ERG: variants seen among roughly 807,000 people sequenced by gnomAD.
ERG encodes the protein transcriptional regulator ERG.
A neutral mutation model predicts 55.3 loss-of-function variants in ERG; 9 were observed. The ratio of observed to expected loss-of-function variants is 0.16; its 90% CI spans 0.10 to 0.28. ERG has a LOEUF of 0.28. Ranked by LOEUF, ERG falls within the 10% of genes least tolerant of loss-of-function variation. The pLI is 1.00. For missense variants in ERG, 434 were observed against 631.6 expected, an observed-to-expected ratio of 0.69 and a Z score of 3.35; for synonymous variants, 223 against 237.3, an observed-to-expected ratio of 0.94 and a Z score of 0.55.
intron 1 of ERG, among the ~76,000 whole-genome samples, chr21:38,457,877 G>C (rs1016908477): frequency 6.6e-6 from 1 of 152,192 alleles, no homozygotes; most frequent in African/African-American, 2.4e-5. Context: ...ATGGGGCTAC[G>C]CCTACTTCAA....
intron 1 of ERG, among the ~76,000 whole-genome samples, chr21:38,488,335 G>A (rs183195892): frequency 6.6e-6 from 1 of 152,322 alleles, no homozygotes; most frequent in East Asian, 1.9e-4. Context: ...TGTACAGTGT[G>A]TAAACATCAC....
At chr21:38,633,204 T>C (rs1309481591) in intron 1 of ERG, among the ~76,000 whole-genome samples, 3 of 152,170 alleles carry the variant, frequency 2.0e-5, no homozygotes, top group African/African-American at 7.2e-5. Flanking sequence ...GAAAATAGAA[T>C]GGGTTACCAC....
Position 38,382,940 on chromosome 21 carries a change from T to C in ERG, c.*463A>G. 1 of 1,066,398 alleles carries C rather than the reference T, an allele frequency of 9.4e-7. No individual in the cohort carries two copies. The highest frequency in any genetic ancestry group is 1.1e-6 in the Non-Finnish European group (1 of 879,760). The allele number at this position is 1,066,398 out of a possible 1,614,324, so 66.1% of individuals were successfully genotyped here. ...AGTCTCTCTCGTGTCTTTTCTCTTG[T>C]TTTTGATATGTTTCTATTTTTAAAT... On this transcript the variant is annotated 3_prime_UTR_variant, in exon 10 of 10. Transcript: ENST00000288319.
intron 2 of ERG, among the ~76,000 whole-genome samples, chr21:38,551,500 C>T (rs959304813): frequency 1.3e-5 from 2 of 152,096 alleles, no homozygotes; most frequent in African/African-American, 4.8e-5. Flanking sequence ...TATAAACTTT[C>T]CTGTTAACAT....
intron 1 of ERG, among the ~76,000 whole-genome samples, chr21:38,598,641 G>A (rs2060145724): frequency 6.6e-6 from 1 of 152,134 alleles, no homozygotes; most frequent in African/African-American, 2.4e-5. Context: ...ACTCTCTAAG[G>A]AGTGACCTAA....
chr21:38,535,452 T>TA (rs1417426614), intron 2 of ERG, among the ~76,000 whole-genome samples: 1 of 152,190 alleles, frequency 6.6e-6, no homozygotes, highest in Non-Finnish European at 1.5e-5. Context: ...AAGATTAAAT[T>TA]AAAAAATAAA....
At chr21:38,368,257 GC>G in the ERG span, among the ~76,000 whole-genome samples, 1 of 151,658 alleles carries the variant, frequency 6.6e-6, no homozygotes, top group Non-Finnish European at 1.5e-5. Flanking sequence ...TGTTTGTTTT[GC>G]TTTTTTCACT....
intron 2 of ERG, among the ~76,000 whole-genome samples, chr21:38,430,688 C>A (rs1209462290): frequency 2.0e-5 from 3 of 152,188 alleles, no homozygotes; most frequent in Admixed American, 2.0e-4. Context: ...AAGAACTGAA[C>A]AATAGCCCAA....
At chr21:38,474,666 G>C (rs935320157) in intron 1 of ERG, among the ~76,000 whole-genome samples, 3 of 152,080 alleles carry the variant, frequency 2.0e-5, no homozygotes, top group African/African-American at 7.2e-5. Context: ...ACTCCTACCT[G>C]TATGGAAGGT....
chr21:38,371,381 C>CT, the ERG span, among the ~76,000 whole-genome samples: 2 of 151,794 alleles, frequency 1.3e-5, no homozygotes, highest in Non-Finnish European at 2.9e-5. Context: ...ATTTTTATTT[C>CT]TTTTTTCCTT....
At chr21:38,591,986 A>G (rs1410455613) in intron 1 of ERG, among the ~76,000 whole-genome samples, 1 of 152,234 alleles carries the variant, frequency 6.6e-6, no homozygotes, top group Non-Finnish European at 1.5e-5. Context: ...TTCTAGAGCC[A>G]GGGCACTTAA....
chr21:38,456,991 T>G (rs1299698155), intron 1 of ERG, among the ~76,000 whole-genome samples: 1 of 152,218 alleles, frequency 6.6e-6, no homozygotes, highest in African/African-American at 2.4e-5. Flanking sequence ...GAGACTTGAT[T>G]TTTATGACTC....
chr21:38,443,639 A>G (rs1449021599), intron 2 of ERG, among the ~76,000 whole-genome samples: 1 of 152,232 alleles, frequency 6.6e-6, no homozygotes, highest in Non-Finnish European at 1.5e-5. Flanking sequence ...ATTGTATCAA[A>G]TGCATAGGAT....
rs138446185 is a variant in ERG at position 38,538,698 on chromosome 21, C to A, written c.-41+36964G>T. ...ATACCCTTTGCTTTCAACTATATGG[C>A]CAAACATGACTGGCCAGCAGGCTGG... On this transcript the variant is annotated intron_variant, in intron 2 of 8. Coordinates refer to the ERG transcript ENST00000398897. Among the ~76,000 whole-genome samples, 71 of 152,122 alleles carry A rather than the reference C, an allele frequency of 4.7e-4. 1 individual carries two copies. Among genetic ancestry groups the A allele is most frequent in the Middle Eastern group, 3.4e-3 (1 of 294 alleles).
intron 2 of ERG, among the ~76,000 whole-genome samples, chr21:38,424,112 T>C (rs1421043534): frequency 6.6e-6 from 1 of 151,674 alleles, no homozygotes; most frequent in South Asian, 2.1e-4. Flanking sequence ...TAATTTCAGT[T>C]TGATGAGGTC....
intron 1 of ERG, among the ~76,000 whole-genome samples, chr21:38,653,170 G>A (rs777498919): frequency 5.9e-5 from 9 of 152,098 alleles, no homozygotes; most frequent in Non-Finnish European, 1.2e-4. Context: ...CATAGCATGC[G>A]GATTCATCCT....
intron 2 of ERG, among the ~76,000 whole-genome samples, chr21:38,560,149 T>C (rs190154931): frequency 1.2e-4 from 18 of 152,276 alleles, no homozygotes; most frequent in African/African-American, 4.1e-4. Flanking sequence ...GAGCAGAAAG[T>C]AGTCTTGCAA....
At chr21:38,639,157 G>A (rs2060408232) in intron 1 of ERG, among the ~76,000 whole-genome samples, 1 of 152,116 alleles carries the variant, frequency 6.6e-6, no homozygotes, top group Admixed American at 6.5e-5. Flanking sequence ...GACATAGTCA[G>A]GTGCTGATAC....
chr21:38,383,370 TGCAC>T lies in ERG; in HGVS notation c.*29_*32del. ...GAGTTTGTGGCGATGGGCTGGTGAA[TGCAC>T]GCTGATGGGAAAAGCCTCCGCCAGG... is the stretch of plus-strand genomic sequence containing the variant. On this transcript the variant is annotated 3_prime_UTR_variant, in exon 10 of 10. Transcript: ENST00000288319. This position sits in a 1 kb window ranked among gnomAD's most constrained non-coding sequence, Gnocchi z 5.7. 6.8e-7 allele frequency: 1 copy of T among 1,471,618 alleles called. No homozygotes were observed. Among genetic ancestry groups the T allele is most frequent in the Non-Finnish European group, 9.0e-7 (1 of 1,108,758 alleles). The allele number at this position is 1,471,618 out of a possible 1,614,324, so 91.2% of individuals were successfully genotyped here.
Sources: gnomAD v4.1 joint callset for allele counts (sites outside exome capture counted in the v4.1 genomes callset) on GRCh38, gnomAD v4.1.1 for gene constraint, Gnocchi (gnomAD v3.1) non-coding constraint, MANE v1.5 for transcripts, NCBI Gene and HGNC (gene_info 2026-07-23, HGNC 2026-07-21) for gene names.